Variants in MAGI1 observed in about 807,000 individuals in gnomAD.
MAGI1 encodes the protein membrane associated guanylate kinase, WW and PDZ domain containing 1.
MAGI1 carries 58 observed loss-of-function variants against 139.9 expected under a neutral mutation model. The ratio of observed to expected loss-of-function variants is 0.41; its 90% CI spans 0.34 to 0.52. The LOEUF (loss-of-function observed/expected upper bound fraction) is 0.52. Ranked by LOEUF, MAGI1 falls within the 20% of genes least tolerant of loss-of-function variation. The pLI is 0.12. For missense variants in MAGI1, 1,874 were observed against 1,901.6 expected, an observed-to-expected ratio of 0.99 and a Z score of 0.27; for synonymous variants, 812 against 737.9, an observed-to-expected ratio of 1.10 and a Z score of -1.63.
In MAGI1 at chr3:65,932,768, A is replaced by G. The variant is rs529445204; in HGVS notation, c.313+105228T>C. ...AGAAAGAAACATAATCAGAGGAAAG[A>G]AGATCCTTCATGAGGCCCTCTCCAT... is the stretch of plus-strand genomic sequence containing the variant. On this transcript the variant is annotated intron_variant, in intron 1 of 22. Transcript: ENST00000402939. Among the ~76,000 whole-genome samples the G allele has an allele frequency of 3.3e-5, 5 of 151,444 alleles. No individual in the cohort carries two copies. In the South Asian group the frequency reaches 1.0e-3, roughly 31 times the overall value.
chr3:65,564,252 C>A lies in MAGI1; in HGVS notation c.430+57720G>T, dbSNP rs200271696. On this transcript the variant is annotated intron_variant, in intron 2 of 22. Coordinates refer to ENST00000402939, the MANE Select transcript of MAGI1 (RefSeq NM_001033057.2). ...AAGGCTACGAAAATGGATAACAAAT[C>A]TTCTAAGAAAAAAAAAAAGGCAGAA... Among the ~76,000 whole-genome samples the A allele has an allele frequency of 3.5e-4, 53 of 151,736 alleles. No homozygotes were observed. In the East Asian group the frequency reaches 8.7e-3, roughly 25 times the overall value.
At chr3:65,790,385 T>C (rs896474019) in intron 1 of MAGI1, among the ~76,000 whole-genome samples, 3 of 152,174 alleles carry the variant, frequency 2.0e-5, no homozygotes, top group African/African-American at 4.8e-5. Flanking sequence ...CCTTGCAAAA[T>C]AGTTGTCCAG....
chr3:65,361,899 T>C (rs541243295), intron 21 of MAGI1, among the ~76,000 whole-genome samples: 1 of 152,298 alleles, frequency 6.6e-6, no homozygotes, highest in Admixed American at 6.5e-5. Flanking sequence ...TGAGTGAGCT[T>C]AAAAAGCAAA....
intron 1 of MAGI1, among the ~76,000 whole-genome samples, chr3:65,738,256 G>A (rs1409110364): frequency 6.6e-6 from 1 of 152,288 alleles, no homozygotes; most frequent in Middle Eastern, 3.4e-3. Context: ...ACATATAAAA[G>A]TTATATTTAA....
intron 1 of MAGI1, among the ~76,000 whole-genome samples, chr3:65,694,850 G>A (rs2089007205): frequency 6.6e-6 from 1 of 152,248 alleles, no homozygotes; most frequent in Non-Finnish European, 1.5e-5. Flanking sequence ...TCACTACCTG[G>A]CTGGCTGTCT....
chr3:65,884,059 TA>T (rs1291832437), intron 1 of MAGI1, among the ~76,000 whole-genome samples: 1 of 152,036 alleles, frequency 6.6e-6, no homozygotes, highest in South Asian at 2.1e-4. Context: ...ACACTTATCT[TA>T]AAGGGAAAAG....
chr3:65,663,888 G>GC, intron 1 of MAGI1, among the ~76,000 whole-genome samples: 1 of 152,258 alleles, frequency 6.6e-6, no homozygotes, highest in South Asian at 2.1e-4. Flanking sequence ...GGGATCAAAA[G>GC]CAACCCCACT....
intron 12 of MAGI1, among the ~76,000 whole-genome samples, chr3:65,425,227 T>C (rs543873703): frequency 1.3e-5 from 2 of 151,702 alleles, no homozygotes; most frequent in Admixed American, 6.6e-5. Flanking sequence ...CCCCACCCAA[T>C]TGCCACTATT....
At chr3:65,474,629 A>G (rs1030940510) in intron 4 of MAGI1, among the ~76,000 whole-genome samples, 3 of 151,978 alleles carry the variant, frequency 2.0e-5, no homozygotes, top group Admixed American at 2.0e-4. Context: ...ACACACACAC[A>G]CACATGCACA....
chr3:65,829,658 T>C (rs1021160073), intron 1 of MAGI1, among the ~76,000 whole-genome samples: 3 of 152,218 alleles, frequency 2.0e-5, no homozygotes, highest in African/African-American at 7.2e-5. Flanking sequence ...CATGGTATAT[T>C]GCTTACAAAT....
chr3:65,391,281 G>A lies in MAGI1; in HGVS notation c.2277C>T (p.Ser759=). 6.2e-7 allele frequency: 1 copy of A among 1,614,170 alleles called. No homozygotes were observed. The highest frequency in any genetic ancestry group is 8.5e-7 in the Non-Finnish European group (1 of 1,180,042). ...VSSHRSLHTA[S]PSHSTQVLPE... Reference sequence around the variant, plus strand: ...GGAGCACCTGTGTGCTGTGGCTTGGGGATGCTGTGTGCAGGCTTCGGTGGC... The same window carrying A: ...GGAGCACCTGTGTGCTGTGGCTTGGAGATGCTGTGTGCAGGCTTCGGTGGC... The change falls in exon 14 of 23, where the codon TCC becomes TCT. Residue 759 remains serine (S), a synonymous_variant. Transcript: ENST00000402939.
intron 1 of MAGI1, among the ~76,000 whole-genome samples, chr3:65,910,410 A>C (rs1348233404): frequency 6.6e-6 from 1 of 152,238 alleles, no homozygotes; most frequent in African/African-American, 2.4e-5. Context: ...AGTCTTTCAA[A>C]TGCATATTCC....
chr3:65,492,979 G>A (rs1158455289), intron 3 of MAGI1, among the ~76,000 whole-genome samples: 2 of 150,988 alleles, frequency 1.3e-5, no homozygotes, highest in Non-Finnish European at 2.9e-5. Context: ...TCGGGAGGCT[G>A]ACGCAGGAGA....
chr3:66,038,522 A>G lies in MAGI1; in HGVS notation c.-214T>C. ...CTGGGCTTCCCCGCGAGCCCCGCAC[A>G]GGCGCCCGCGAGCTTTGTTTGCATT... On this transcript the variant is annotated 5_prime_UTR_variant, in exon 1 of 23. Transcript: ENST00000402939. 1 of 606,926 alleles carries G rather than the reference A, an allele frequency of 1.6e-6. No individual in the cohort carries two copies. Among genetic ancestry groups the G allele is most frequent in the Non-Finnish European group, 2.6e-6 (1 of 389,688 alleles). The allele number at this position is 606,926 out of a possible 1,614,324, so 37.6% of individuals were successfully genotyped here. A position where few individuals can be genotyped will look rare whatever the true frequency, so the allele number is the denominator to read the frequency against.
At chr3:65,687,897 C>T in intron 1 of MAGI1, 1 of 650,640 alleles carries the variant, frequency 1.5e-6, no homozygotes, top group South Asian at 1.4e-5. Flanking sequence ...CAAGGTATTG[C>T]AGGGTGCCTT....
chr3:65,852,915 C>G (rs555905923), intron 1 of MAGI1, among the ~76,000 whole-genome samples: 1 of 146,528 alleles, frequency 6.8e-6, no homozygotes, highest in East Asian at 2.1e-4. Context: ...GTGGGCAGAT[C>G]ATGAGGTCAG....
At chr3:65,760,176 T>G (rs2036899299) in intron 1 of MAGI1, among the ~76,000 whole-genome samples, 1 of 150,878 alleles carries the variant, frequency 6.6e-6, no homozygotes. Context: ...CTCCTCCTCC[T>G]CCCCGTCCTC....
rs1296120142 is a variant in MAGI1, at chr3:65,706,364, C to CAACT, written c.314-84280_314-84277dup. Among the ~76,000 whole-genome samples, 3 of 152,296 alleles carry CAACT rather than the reference C, an allele frequency of 2.0e-5. No homozygotes were observed. The East Asian group carries it at 5.8e-4, about 29-fold the overall frequency. On this transcript the variant is annotated intron_variant, in intron 1 of 22. Coordinates refer to ENST00000402939, the MANE Select transcript of MAGI1 (RefSeq NM_001033057.2). Reference sequence around the variant, plus strand: ...TTAAAAGCCTCACTGGGATATTTAGCAACTATTCCAGAAAGACTAAGGCGC... The same window carrying CAACT: ...TTAAAAGCCTCACTGGGATATTTAGCAACTAACTATTCCAGAAAGACTAAGGCGC...
At chr3:65,370,263 G>A (rs530345877) in intron 18 of MAGI1, among the ~76,000 whole-genome samples, 4 of 151,600 alleles carry the variant, frequency 2.6e-5, no homozygotes, top group Non-Finnish European at 5.9e-5. Context: ...GCGAGACTCC[G>A]TCTCAAAAAA....
Sources: allele counts gnomAD v4.1 joint callset (sites outside exome capture counted in the v4.1 genomes callset), GRCh38; gene constraint gnomAD v4.1.1; transcripts MANE v1.5; gene names NCBI Gene and HGNC (gene_info 2026-07-23, HGNC 2026-07-21).